The following SECISBP2 variants were observed in gnomAD, a reference collection of about 807,000 sequenced individuals.
SECISBP2 encodes SECIS binding protein 2, also known as selenocysteine insertion sequence-binding protein 2.
In SECISBP2, 96 loss-of-function variants were observed where a neutral mutation model predicts 98.2. The ratio of observed to expected loss-of-function variants is 0.98; its 90% CI spans 0.83 to 1.16. The LOEUF (loss-of-function observed/expected upper bound fraction) is 1.16. SECISBP2 is among the 50% of genes most tolerant of loss of function. The probability of loss-of-function intolerance (pLI) is 0.00; values close to 1 mark genes in which losing one functional copy is unlikely to be tolerated. For synonymous variants in SECISBP2, 407 were observed against 370.2 expected, an observed-to-expected ratio of 1.10 and a Z score of -1.14; for missense variants, 1,046 against 1,022.9, an observed-to-expected ratio of 1.02 and a Z score of -0.31.
At chr9:89,319,961 C>A (rs546314531) in intron 2 of SECISBP2, among the ~76,000 whole-genome samples, 164 bp downstream of exon 2, 1 of 152,172 alleles carries the variant, frequency 6.6e-6, no homozygotes, top group African/African-American at 2.4e-5. Flanking sequence ...TAACTGTATC[C>A]TGTGCCAAAA....
chr9:89,330,241 G>A (rs1827520733), intron 5 of SECISBP2: 1 of 152,186 alleles, frequency 6.6e-6, no homozygotes, highest in African/African-American at 2.4e-5. Context: ...ACTTATTACA[G>A]CAGGTTAATT....
Position 89,357,427 on chromosome 9 carries a change from T to G in SECISBP2, c.2130T>G (p.Thr710=). The G allele has an allele frequency of 1.9e-6, 3 of 1,614,166 alleles. No individual in the cohort carries two copies. Among genetic ancestry groups the G allele is most frequent in the Non-Finnish European group, 2.5e-6 (3 of 1,180,050 alleles). Residue 710 remains threonine, a synonymous_variant, in exon 15 of 17, where the codon ACT becomes ACG. Transcript: ENST00000375807. ...KIQSKGGLDD[T]LHTIIDYACE... ...TTTGACCAGGTGGGCTGGATGACAC[T>G]TTGCACACAATTATTGATTATGCCT...
At chr9:89,356,756 C>G (rs561105123) in intron 14 of SECISBP2, 1 of 153,322 alleles carries the variant, frequency 6.5e-6, no homozygotes, top group South Asian at 2.0e-4. Flanking sequence ...TTCATTCCTA[C>G]CAACTATAGT....
At chr9:89,333,543 C>CG (rs1828108309) in intron 6 of SECISBP2, among the ~76,000 whole-genome samples, 1 of 152,166 alleles carries the variant, frequency 6.6e-6, no homozygotes, top group Admixed American at 6.5e-5. Flanking sequence ...TCACCTGCCT[C>CG]ACGGTCCTGC....
chr9:89,351,239 T>G (rs1831239940), intron 14 of SECISBP2, among the ~76,000 whole-genome samples: 1 of 152,230 alleles, frequency 6.6e-6, no homozygotes, highest in Non-Finnish European at 1.5e-5. Context: ...CTTGACATTT[T>G]GTTGTTCAGT....
chr9:89,361,581 A>G (rs929074016), downstream of SECISBP2: 1 of 152,246 alleles, frequency 6.6e-6, no homozygotes, highest in African/African-American at 2.4e-5. Flanking sequence ...AGGTAGAACA[A>G]AACACTCATG....
At chr9:89,331,595 G>A (rs896371255) in intron 5 of SECISBP2, among the ~76,000 whole-genome samples, 1 of 152,112 alleles carries the variant, frequency 6.6e-6, no homozygotes, top group African/African-American at 2.4e-5. Flanking sequence ...TACACATAGC[G>A]TCATTATATG....
intron 10 of SECISBP2, 30 bp downstream of exon 10, chr9:89,341,509 G>T: frequency 6.2e-7 from 1 of 1,613,262 alleles, no homozygotes; most frequent in South Asian, 1.1e-5. Flanking sequence ...TCAGGCAAGT[G>T]ATTGGAAGTC....
intron 15 of SECISBP2, 98 bp downstream of exon 15, chr9:89,357,663 C>T: frequency 1.4e-6 from 2 of 1,436,354 alleles, no homozygotes; most frequent in Non-Finnish European, 2.0e-6. Flanking sequence ...GCCCCAGAAC[C>T]TCCAGTAGGC....
At chr9:89,332,228 G>GCACA (rs140202280) in intron 5 of SECISBP2, among the ~76,000 whole-genome samples, 63 of 149,658 alleles carry the variant, frequency 4.2e-4, no homozygotes, top group African/African-American at 1.5e-3. Context: ...CCCCTTGCCT[G>GCACA]CACACACACA....
chr9:89,325,900 A>G lies in SECISBP2; in HGVS notation c.436A>G (p.Lys146Glu). 2.5e-6 allele frequency: 4 copies of G among 1,614,014 alleles called. No homozygotes were observed. Among genetic ancestry groups the G allele is most frequent in the Non-Finnish European group, 3.4e-6 (4 of 1,180,024 alleles). Residue 146 changes from lysine to glutamate, a missense_variant, in exon 4 of 17, where the codon AAA becomes GAA. Physicochemically the swap from Lys to Glu is moderately conservative, Grantham distance 56. Coordinates refer to ENST00000375807, the MANE Select transcript of SECISBP2 (RefSeq NM_024077.5). ...PQEMKALFKK[K>E]TYDEKKTYDQ... Reference sequence around the variant, plus strand: ...TGCTTTTTAATCTTTCCTGCAGAAGAAAACCTATGATGAGAAAAAAACGTA... The same window carrying G: ...TGCTTTTTAATCTTTCCTGCAGAAGGAAACCTATGATGAGAAAAAAACGTA...
chr9:89,330,968 A>G (rs1827655646), intron 5 of SECISBP2, among the ~76,000 whole-genome samples: 1 of 152,266 alleles, frequency 6.6e-6, no homozygotes, highest in Admixed American at 6.5e-5. Flanking sequence ...TGATTGCTCT[A>G]TTAAGAGAGT....
rs111426575 is a variant in SECISBP2, at chr9:89,347,583, A to G, written c.1603-496A>G. Among the ~76,000 whole-genome samples the G allele has an allele frequency of 6.9e-3, 1,043 of 150,938 alleles. 15 individuals carry two copies. The highest frequency in any genetic ancestry group is 0.024 in the African/African-American group (989 of 41,112). ...AACCTCCACCTCCCGGGTTCAAGCAATTCTCCTGCCTCAGCCTCCCGAGTA... is the reference window on the plus strand; with the variant it reads ...AACCTCCACCTCCCGGGTTCAAGCAGTTCTCCTGCCTCAGCCTCCCGAGTA... On this transcript the variant is annotated intron_variant, in intron 11 of 16. Transcript: ENST00000375807.
intron 4 of SECISBP2, 36 bp downstream of exon 4, chr9:89,326,074 T>C (rs777665047): frequency 1.2e-6 from 2 of 1,602,638 alleles, no homozygotes; most frequent in Admixed American, 1.7e-5. Context: ...AATGCGAGCC[T>C]ACTCCTTGTG....
In SECISBP2 at chr9:89,347,961, C is replaced by T. The variant is rs1830677387; in HGVS notation, c.1603-118C>T. ...GGAGTCTGGGGAGCACTTGGCTGCT[C>T]TCAGGGCACTAAGAGGCACATTGCC... On this transcript the variant is annotated intron_variant, in intron 11 of 16. Transcript: ENST00000375807. The T allele has an allele frequency of 5.1e-6, 5 of 988,786 alleles. No homozygotes were observed. The East Asian group carries it at 1.3e-4, about 26-fold the overall frequency. 61.3% of individuals were successfully genotyped at this position (988,786 alleles called of 1,614,324 possible). A position where few individuals can be genotyped will look rare whatever the true frequency, so the allele number is the denominator to read the frequency against.
At position 89,348,557 on chromosome 9, in the gene SECISBP2, G is replaced by A. The variant is rs1039373366; in HGVS notation, c.1738+343G>A. Among the ~76,000 whole-genome samples, 9 of 152,240 alleles carry A rather than the reference G, an allele frequency of 5.9e-5. No homozygotes were observed. In the East Asian group the frequency reaches 9.6e-4, roughly 16 times the overall value. On this transcript the variant is annotated intron_variant, in intron 12 of 16. Coordinates refer to ENST00000375807, the MANE Select transcript of SECISBP2 (RefSeq NM_024077.5). ...CTGCTTACCAGCAAGTATTGGAGAC[G>A]TGGGGGCGTGAACACAATTGTGTGT...
Position 89,349,903 on chromosome 9 carries a change from T to G in SECISBP2, c.1866T>G (p.Pro622=). The G allele has an allele frequency of 6.2e-7, 1 of 1,614,200 alleles. No homozygotes were observed. Among genetic ancestry groups the G allele is most frequent in the African/African-American group, 1.3e-5 (1 of 75,046 alleles). The change falls in exon 13 of 17, where the codon CCT becomes CCG. Residue 622 remains proline, a synonymous_variant. Coordinates refer to ENST00000375807, the MANE Select transcript of SECISBP2 (RefSeq NM_024077.5). The stretch of plus-strand genomic sequence containing the variant: ...TTGCTCCCAATCACACCACCTTCCC[T>G]AAGATCCACAGCCGCAGATTCAGGG... ...SHLAPNHTTF[P]KIHSRRFRDY... is the part of the protein sequence containing the mutation.
intron 9 of SECISBP2, among the ~76,000 whole-genome samples, chr9:89,340,844 T>C (rs989497856): frequency 6.6e-6 from 1 of 152,218 alleles, no homozygotes; most frequent in East Asian, 1.9e-4. Flanking sequence ...AAAATAACAC[T>C]TGTTTTGAGC....
downstream of SECISBP2, chr9:89,364,259 G>C: frequency 2.2e-6 from 1 of 450,918 alleles, no homozygotes. Context: ...TTACAGAATG[G>C]TTCTGGGCCT....
Sources: gnomAD v4.1 joint callset for allele counts (sites outside exome capture counted in the v4.1 genomes callset) on GRCh38, gnomAD v4.1.1 for gene constraint, MANE v1.5 for transcripts, NCBI Gene and HGNC (gene_info 2026-07-23, HGNC 2026-07-21) for gene names.